The following IGSF11 variants were observed in gnomAD, a reference collection of about 807,000 sequenced individuals.
The protein encoded by IGSF11 is immunoglobulin superfamily member 11, also known as CXADR like 1.
A neutral mutation model predicts 41.0 loss-of-function variants in IGSF11; 22 were observed. The ratio of observed to expected loss-of-function variants is 0.54; its 90% confidence interval spans 0.38 to 0.77. The LOEUF (loss-of-function observed/expected upper bound fraction) is 0.77, where lower values mean the gene tolerates loss of function less well. IGSF11 is among the 30% of genes least tolerant of loss of function. The pLI is 0.00. For missense variants in IGSF11, 444 were observed against 530.8 expected, an observed-to-expected ratio of 0.84 and a Z score of 1.61; for synonymous variants, 219 against 201.3, an observed-to-expected ratio of 1.09 and a Z score of -0.74.
At chr3:119,140,112 T>C (rs1212169901) in intron 1 of IGSF11, among the ~76,000 whole-genome samples, 2 of 151,936 alleles carry the variant, frequency 1.3e-5, no homozygotes, top group Admixed American at 6.6e-5. Context: ...ATATGACATA[T>C]ATAAAATAAT....
intron 1 of IGSF11, among the ~76,000 whole-genome samples, chr3:119,014,076 A>G (rs1938420554): frequency 2.0e-5 from 3 of 152,230 alleles, no homozygotes; most frequent in Admixed American, 6.5e-5. Flanking sequence ...AGCAGATGAC[A>G]TCTATTTGCA....
At chr3:118,953,257 C>T (rs562586864) in intron 1 of IGSF11, among the ~76,000 whole-genome samples, 8 of 150,780 alleles carry the variant, frequency 5.3e-5, no homozygotes, top group African/African-American at 1.9e-4. Context: ...TTTCATGGTA[C>T]ACATGAATAT....
At chr3:119,058,314 G>T (rs1364021095) in intron 1 of IGSF11, among the ~76,000 whole-genome samples, 1 of 152,102 alleles carries the variant, frequency 6.6e-6, no homozygotes, top group South Asian at 2.1e-4. Flanking sequence ...GTGGGCAAAG[G>T]ATATGAACAG....
chr3:119,052,052 A>G (rs1941646662), intron 1 of IGSF11, among the ~76,000 whole-genome samples: 2 of 152,180 alleles, frequency 1.3e-5, no homozygotes, highest in African/African-American at 2.4e-5. Flanking sequence ...AGACAATCTA[A>G]GCTCACACCT....
At chr3:119,054,487 C>A (rs185377149) in intron 1 of IGSF11, among the ~76,000 whole-genome samples, 1 of 152,240 alleles carries the variant, frequency 6.6e-6, no homozygotes, top group East Asian at 1.9e-4. Flanking sequence ...TGTGATACCA[C>A]CTTACTCCTG....
chr3:119,099,168 C>T lies in IGSF11; in HGVS notation c.49+5976G>A, dbSNP rs568604228. ...TGTTCCACTATTACTTCAATGTTTG[C>T]GGATAATCCCTCTGGTGTCTAACCT... On this transcript the variant is annotated intron_variant, in intron 1 of 6. Coordinates refer to the IGSF11 transcript ENST00000354673. 3.3e-5 allele frequency among the ~76,000 whole-genome samples: 5 copies of T among 152,236 alleles called. No homozygotes were observed. In the South Asian group the frequency reaches 8.3e-4, roughly 25 times the overall value.
Position 119,074,766 on chromosome 3 carries a change from G to T in IGSF11, c.49+30378C>A, listed in dbSNP as rs576261333. 2.6e-5 allele frequency among the ~76,000 whole-genome samples: 4 copies of T among 152,048 alleles called. No individual in the cohort carries two copies. The South Asian group carries it at 8.3e-4, about 32-fold the overall frequency. ...ACTCAGGAGGCTGAGGTGGGAGAAT[G>T]GCATGAACCTGGGAGGCGGAGCTTG... is the stretch of plus-strand genomic sequence containing the variant. On this transcript the variant is annotated intron_variant, in intron 1 of 6. Coordinates refer to the IGSF11 transcript ENST00000354673.
chr3:118,994,440 T>C (rs752685102), intron 1 of IGSF11, among the ~76,000 whole-genome samples: 23 of 152,172 alleles, frequency 1.5e-4, no homozygotes, highest in Non-Finnish European at 3.2e-4. Context: ...GAGAATCCCT[T>C]GAGCCCAGGA....
intron 1 of IGSF11, among the ~76,000 whole-genome samples, chr3:119,060,992 A>T (rs1385181437): frequency 2.0e-5 from 3 of 152,206 alleles, no homozygotes. Context: ...AAATGTTTTT[A>T]ATAATAAAAT....
At chr3:118,989,728 T>C (rs1235101236) in intron 1 of IGSF11, among the ~76,000 whole-genome samples, 2 of 152,220 alleles carry the variant, frequency 1.3e-5, no homozygotes, top group Non-Finnish European at 2.9e-5. Flanking sequence ...TCTTATGTTT[T>C]TTACACTTCA....
chr3:119,007,324 G>C (rs1365635162), intron 1 of IGSF11, among the ~76,000 whole-genome samples: 3 of 139,714 alleles, frequency 2.1e-5, no homozygotes, highest in African/African-American at 6.1e-5. Context: ...GCTTCGGCTC[G>C]CGCACGGTGC....
intron 1 of IGSF11, among the ~76,000 whole-genome samples, chr3:119,047,901 C>T (rs371366062): frequency 3.3e-5 from 5 of 152,094 alleles, no homozygotes; most frequent in South Asian, 2.1e-4. Flanking sequence ...ATGACTACTG[C>T]GTACATAACG....
At chr3:119,034,431 C>CG (rs1040956690) in intron 1 of IGSF11, 100 bp downstream of exon 1, 1 of 1,200,384 alleles carries the variant, frequency 8.3e-7, no homozygotes, top group Non-Finnish European at 1.1e-6. Flanking sequence ...TCCCGACCCT[C>CG]GGCAAAGCAA....
At chr3:119,007,687 C>T (rs977673078) in intron 1 of IGSF11, among the ~76,000 whole-genome samples, 8 of 152,178 alleles carry the variant, frequency 5.3e-5, no homozygotes, top group African/African-American at 1.9e-4. Context: ...TTTAACCCAT[C>T]TCCCAACCTC....
chr3:119,044,586 A>T (rs1272844268), intron 1 of IGSF11, among the ~76,000 whole-genome samples: 1 of 152,178 alleles, frequency 6.6e-6, no homozygotes, highest in Non-Finnish European at 1.5e-5. Context: ...TCACAAAAAG[A>T]TCATCACCTA....
chr3:119,053,333 T>C (rs1941700839), intron 1 of IGSF11, among the ~76,000 whole-genome samples: 1 of 152,060 alleles, frequency 6.6e-6, no homozygotes, highest in South Asian at 2.1e-4. Context: ...ATAAAATCAA[T>C]GTACACAAAT....
chr3:119,032,058 A>T (rs35858), intron 1 of IGSF11, among the ~76,000 whole-genome samples: 121,523 of 152,190 alleles, frequency 0.8, 48,816 homozygotes, highest in African/African-American at 0.89. Flanking sequence ...TTCACAAATA[A>T]AAACAAAATA....
chr3:119,121,702 C>T (rs887006297), intron 1 of IGSF11, among the ~76,000 whole-genome samples: 1 of 151,962 alleles, frequency 6.6e-6, no homozygotes, highest in African/African-American at 2.4e-5. Flanking sequence ...TCTGTAAATC[C>T]AAAAAGCTCA....
intron 1 of IGSF11, among the ~76,000 whole-genome samples, chr3:118,955,414 C>T (rs1944888289): frequency 6.6e-6 from 1 of 152,010 alleles, no homozygotes; most frequent in Non-Finnish European, 1.5e-5. Context: ...GGGAGCTAAG[C>T]TGTGAGGGTT....
Sources: gnomAD v4.1 joint callset for allele counts (sites outside exome capture counted in the v4.1 genomes callset) on GRCh38, gnomAD v4.1.1 for gene constraint, MANE v1.5 for transcripts, NCBI Gene and HGNC (gene_info 2026-07-23, HGNC 2026-07-21) for gene names.